The following NSD1 variants were observed in gnomAD, a reference collection of about 807,000 sequenced individuals.
NSD1 encodes nuclear receptor binding SET domain protein 1, also known as histone-lysine N-methyltransferase, H3 lysine-36 specific.
NSD1 carries 26 observed loss-of-function variants against 242.7 expected under a neutral mutation model. The observed-to-expected ratio is 0.11, with a 90% CI of 0.08 to 0.15. The LOEUF is 0.15. Among genes scored for constraint, NSD1 ranks in the 10% least tolerant of loss-of-function variants. The probability of loss-of-function intolerance (pLI) is 1.00; values close to 1 mark genes in which losing one functional copy is unlikely to be tolerated. For missense variants in NSD1, 2,495 were observed against 3,272.8 expected (o/e 0.76, Z 5.80); for synonymous variants, 1,106 against 1,178.1 (o/e 0.94, Z 1.25).
At chr5:177,163,018 G>T (rs1004786675) in intron 2 of NSD1, among the ~76,000 whole-genome samples, 5 of 152,062 alleles carry the variant, frequency 3.3e-5, no homozygotes, top group Admixed American at 2.6e-4. Flanking sequence ...TCCCTGTGTT[G>T]CCCAGGTTGG....
chr5:177,150,214 A>G (rs191111980), intron 2 of NSD1, among the ~76,000 whole-genome samples: 17 of 151,812 alleles, frequency 1.1e-4, no homozygotes, highest in African/African-American at 4.1e-4. Flanking sequence ...GCTCACTGCA[A>G]CCTCCGCCTC....
Position 177,144,140 on chromosome 5 carries a change from G to A in NSD1, c.927+8110G>A, listed in dbSNP as rs371487767. Among the ~76,000 whole-genome samples, 16 of 152,250 alleles carry A rather than the reference G, an allele frequency of 1.1e-4. No individual in the cohort carries two copies. The East Asian group carries it at 2.1e-3, about 20-fold the overall frequency. ...CTGCTGGTTCTGAAGTAGGTGTGCA[G>A]TAAGTGATGCCTACTGCTGCATGCC... is the stretch of plus-strand genomic sequence containing the variant. On this transcript the variant is annotated intron_variant, in intron 2 of 22. Transcript: ENST00000439151.
At chr5:177,147,283 T>G (rs959664832) in intron 2 of NSD1, among the ~76,000 whole-genome samples, 1 of 151,916 alleles carries the variant, frequency 6.6e-6, no homozygotes, top group African/African-American at 2.4e-5. Flanking sequence ...TTTTTGTATG[T>G]TTTTGTAGAG....
intron 2 of NSD1, among the ~76,000 whole-genome samples, chr5:177,189,416 A>G (rs1030006409): frequency 6.6e-6 from 1 of 152,208 alleles, no homozygotes. Context: ...CAAAAATACA[A>G]TGTAATCTTT....
intron 9 of NSD1, among the ~76,000 whole-genome samples, chr5:177,245,533 A>G (rs922690414): frequency 3.3e-5 from 5 of 152,090 alleles, no homozygotes; most frequent in Admixed American, 2.6e-4. Flanking sequence ...GATATCCTAA[A>G]TGTTTTATGA....
chr5:177,211,973 C>A lies in NSD1; in HGVS notation c.3574C>A (p.Pro1192Thr). 1 of 1,611,550 alleles carries A rather than the reference C, an allele frequency of 6.2e-7. No individual in the cohort carries two copies. Among genetic ancestry groups the A allele is most frequent in the Non-Finnish European group, 8.5e-7 (1 of 1,178,222 alleles). ...TGAGTGTGCCTTTAGGGTCTTACTT[C>A]CTAGTGACCCTGTGCAGGAGGGGCG... The part of the protein sequence containing the change: ...NSECAFRVLL[P>T]SDPVQEGRDE... The change falls in exon 5 of 23, where the codon CCT becomes ACT. Residue 1192 changes from proline to threonine, a missense_variant. Coordinates refer to ENST00000439151, the MANE Select transcript of NSD1 (RefSeq NM_022455.5).
intron 4 of NSD1, among the ~76,000 whole-genome samples, chr5:177,204,822 T>C (rs1762761392): frequency 6.6e-6 from 1 of 152,172 alleles, no homozygotes; most frequent in Admixed American, 6.6e-5. Context: ...CCCAGTGGGC[T>C]GGGGCTAGCT....
rs190411555 is a variant in NSD1, at chr5:177,221,623, A to G, written c.3796+9428A>G. On this transcript the variant is annotated intron_variant, in intron 5 of 22. Coordinates refer to ENST00000439151, the MANE Select transcript of NSD1 (RefSeq NM_022455.5). ...TGGGATTAGATTACAGGCATGCGCC[A>G]CCATGCCTGGCTAATTTTTGCATTT... Among the ~76,000 whole-genome samples the G allele has an allele frequency of 5.3e-5, 8 of 151,408 alleles. No homozygotes were observed. The East Asian group carries it at 1.6e-3, about 30-fold the overall frequency.
chr5:177,258,189 A>G (rs1756686316), intron 13 of NSD1, among the ~76,000 whole-genome samples: 1 of 151,504 alleles, frequency 6.6e-6, no homozygotes, highest in African/African-American at 2.4e-5. Context: ...CATGTTGGTC[A>G]GGCTGGTCTT....
rs752376308 is a variant in NSD1 at position 177,135,180 on chromosome 5, A to G, written c.77A>G (p.Glu26Gly). 2 of 1,614,146 alleles carry G rather than the reference A, an allele frequency of 1.2e-6. No individual in the cohort carries two copies. The highest frequency in any genetic ancestry group is 2.2e-5 in the East Asian group (1 of 44,888). Reference protein sequence around the residue: ...FSNPVNLDAPEDKDSPFGNGQ... With the variant: ...FSNPVNLDAPGDKDSPFGNGQ... The stretch of plus-strand genomic sequence containing the variant: ...AATCCAGTGAATTTAGATGCCCCTG[A>G]AGACAAGGACAGCCCTTTCGGTAAT... The change falls in exon 2 of 23, where the codon GAA (glutamate) becomes GGA (glycine). Residue 26 changes from glutamate (E) to glycine (G), a missense_variant. This residue lies in a region of NSD1 where 376 missense variants were observed against 367.4 expected (regional missense o/e 1.02). Transcript: ENST00000439151.
At chr5:177,185,304 C>A (rs902710010) in intron 2 of NSD1, among the ~76,000 whole-genome samples, 1 of 151,600 alleles carries the variant, frequency 6.6e-6, no homozygotes, top group Non-Finnish European at 1.5e-5. Flanking sequence ...CCTGTCTCTA[C>A]AAAAAATATA....
At chr5:177,280,954 T>C (rs1758823780) in intron 18 of NSD1, 120 bp downstream of exon 18, 3 of 1,123,758 alleles carry the variant, frequency 2.7e-6, no homozygotes, top group Non-Finnish European at 3.9e-6. Context: ...TTAACCTTAT[T>C]GTTGTGTCTT....
intron 21 of NSD1, among the ~76,000 whole-genome samples, chr5:177,291,496 T>TA (rs1759822392): frequency 6.6e-6 from 1 of 151,918 alleles, no homozygotes; most frequent in Non-Finnish European, 1.5e-5. Flanking sequence ...CTACTAAAAA[T>TA]ACAAAAATTA....
intron 5 of NSD1, among the ~76,000 whole-genome samples, chr5:177,219,167 T>G (rs1764037055): frequency 6.6e-6 from 1 of 151,928 alleles, no homozygotes; most frequent in South Asian, 2.1e-4. Flanking sequence ...CTTAGTAGTG[T>G]TTTTGCTGCA....
chr5:177,224,066 A>T (rs1581369518), intron 5 of NSD1, among the ~76,000 whole-genome samples: 1 of 151,988 alleles, frequency 6.6e-6, no homozygotes, highest in African/African-American at 2.4e-5. Flanking sequence ...TTTTGTAGTA[A>T]TTAATTTTAC....
chr5:177,256,714 C>T (rs536404900), intron 12 of NSD1, among the ~76,000 whole-genome samples: 2 of 152,044 alleles, frequency 1.3e-5, no homozygotes, highest in Admixed American at 6.5e-5. Flanking sequence ...CTTTTTTTGG[C>T]GGGGGTGCCA....
intron 10 of NSD1, 124 bp from the exon 11 acceptor site, chr5:177,248,057 C>T: frequency 6.5e-7 from 1 of 1,537,628 alleles, no homozygotes. Flanking sequence ...ATGCAGTCCG[C>T]CCGAGTGATT....
At chr5:177,185,744 ATT>A (rs1204853723) in intron 2 of NSD1, among the ~76,000 whole-genome samples, 9 of 106,904 alleles carry the variant, frequency 8.4e-5, no homozygotes, top group East Asian at 2.4e-4. Flanking sequence ...TATTTTATAT[ATT>A]ATATATAATA....
chr5:177,164,418 A>G (rs1759013045), intron 2 of NSD1, among the ~76,000 whole-genome samples: 1 of 151,960 alleles, frequency 6.6e-6, no homozygotes. Context: ...CGGCCTCCCA[A>G]AGTGCTGGGA....
Sources: allele counts gnomAD v4.1 joint callset (sites outside exome capture counted in the v4.1 genomes callset), GRCh38; gene constraint gnomAD v4.1.1; regional missense constraint gnomAD v4.1.1; transcripts MANE v1.5; gene names NCBI Gene and HGNC (gene_info 2026-07-23, HGNC 2026-07-21).